The following CBL variants were observed in gnomAD, a reference collection of about 807,000 sequenced individuals.
CBL encodes Cbl proto-oncogene.
CBL carries 45 observed loss-of-function variants against 96.9 expected under a neutral mutation model. The observed-to-expected ratio is 0.46, with a 90% confidence interval of 0.37 to 0.60. CBL has a LOEUF of 0.60. Among genes scored for constraint, CBL ranks in the 20% least tolerant of loss-of-function variants. CBL has a pLI of 0.00. For synonymous variants in CBL, 420 were observed against 426.8 expected (o/e 0.98, Z 0.20); for missense variants, 1,024 against 1,143.5 (o/e 0.90, Z 1.51).
chr11:119,283,117 G>C (rs1472095493), intron 9 of CBL, among the ~76,000 whole-genome samples: 2 of 152,194 alleles, frequency 1.3e-5, no homozygotes, highest in African/African-American at 4.8e-5. Context: ...AAGGTCTGGG[G>C]TTGGTAAGTA....
At chr11:119,292,584 C>T (rs1016415753) in intron 12 of CBL, among the ~76,000 whole-genome samples, 2 of 152,010 alleles carry the variant, frequency 1.3e-5, no homozygotes, top group African/African-American at 4.8e-5. Context: ...CCAAGCCCAG[C>T]TAATTTTTTG....
intron 9 of CBL, among the ~76,000 whole-genome samples, chr11:119,282,721 A>G (rs1367100924): frequency 2.0e-5 from 3 of 152,164 alleles, no homozygotes; most frequent in African/African-American, 7.2e-5. Context: ...AAGAATGGCT[A>G]AGCTGATAGT....
chr11:119,230,150 T>C lies in CBL; in HGVS notation c.196-2298T>C, dbSNP rs1229156070. ...TCGGTGACACAAGAAAATAGGTTTT[T>C]GTTTTTTGTTTTTTTTTTTGAGACG... On this transcript the variant is annotated intron_variant, in intron 1 of 15. Transcript: ENST00000264033. Among the ~76,000 whole-genome samples the C allele has an allele frequency of 4.0e-5, 6 of 151,832 alleles. 1 individual carries two copies. The highest frequency in any genetic ancestry group is 3.3e-4 in the Admixed American group (5 of 15,230).
chr11:119,268,280 TA>T (rs1949818773), intron 2 of CBL, among the ~76,000 whole-genome samples: 1 of 152,212 alleles, frequency 6.6e-6, no homozygotes, highest in African/African-American at 2.4e-5. Context: ...ATTTTAATTT[TA>T]ATTATCACCA....
intron 2 of CBL, among the ~76,000 whole-genome samples, chr11:119,254,562 A>T (rs1340421050): frequency 6.6e-6 from 1 of 152,056 alleles, no homozygotes; most frequent in Non-Finnish European, 1.5e-5. Context: ...ACATGTAAAC[A>T]TAGAAAAGGT....
chr11:119,273,833 T>C, intron 3 of CBL, 35 bp from the exon 4 acceptor site: 1 of 1,595,152 alleles, frequency 6.3e-7, no homozygotes, highest in Non-Finnish European at 8.6e-7. Flanking sequence ...ATCTCTGTTA[T>C]TTCACTTTAT....
At chr11:119,251,323 A>G (rs959632784) in intron 2 of CBL, among the ~76,000 whole-genome samples, 11 of 152,322 alleles carry the variant, frequency 7.2e-5, no homozygotes, top group South Asian at 4.1e-4. Context: ...TTAGATTAAC[A>G]TACGTTTACC....
intron 1 of CBL, among the ~76,000 whole-genome samples, chr11:119,214,308 A>G (rs1014386954): frequency 1.3e-5 from 2 of 151,530 alleles, no homozygotes; most frequent in African/African-American, 4.9e-5. Flanking sequence ...TCTCGGCTCA[A>G]TGCAATGAGT....
chr11:119,241,750 T>G (rs562518008), intron 2 of CBL, among the ~76,000 whole-genome samples: 1 of 152,300 alleles, frequency 6.6e-6, no homozygotes, highest in African/African-American at 2.4e-5. Context: ...GTTAAAAATG[T>G]CCTTGCATTT....
chr11:119,282,977 C>T (rs1441701704), intron 9 of CBL, among the ~76,000 whole-genome samples: 1 of 151,766 alleles, frequency 6.6e-6, no homozygotes, highest in Non-Finnish European at 1.5e-5. Context: ...CACAGCTTGT[C>T]CCAGCTACTT....
At chr11:119,222,175 AT>A (rs1384802057) in intron 1 of CBL, among the ~76,000 whole-genome samples, 4 of 151,460 alleles carry the variant, frequency 2.6e-5, no homozygotes, top group Non-Finnish European at 4.4e-5. Flanking sequence ...AGAGATAAAA[AT>A]ATTTATTTTA....
At chr11:119,295,660 A>G (rs564025611) in intron 12 of CBL, among the ~76,000 whole-genome samples, 22 of 152,236 alleles carry the variant, frequency 1.4e-4, no homozygotes, top group South Asian at 6.2e-4. Context: ...CCGGGAGATC[A>G]AGGCTGCAGT....
chr11:119,224,726 G>A (rs73003007), intron 1 of CBL, among the ~76,000 whole-genome samples: 2,656 of 152,032 alleles, frequency 0.017, 43 homozygotes, highest in Non-Finnish European at 0.03. Context: ...GAGTAGCTGG[G>A]ATTACAGAAG....
At chr11:119,264,503 A>G (rs1016742041) in intron 2 of CBL, among the ~76,000 whole-genome samples, 1 of 135,632 alleles carries the variant, frequency 7.4e-6, no homozygotes, top group African/African-American at 2.8e-5. Context: ...TTTTTTTGAG[A>G]CAGGGTCTGT....
At chr11:119,279,029 G>A (rs1278223090) in intron 9 of CBL, among the ~76,000 whole-genome samples, 2 of 151,746 alleles carry the variant, frequency 1.3e-5, no homozygotes. Context: ...CTATGACCAG[G>A]CATTCCAGCT....
chr11:119,210,729 C>T (rs904897259), intron 1 of CBL, among the ~76,000 whole-genome samples: 1 of 148,078 alleles, frequency 6.8e-6, no homozygotes, highest in Non-Finnish European at 1.5e-5. Flanking sequence ...GGTGGGATAA[C>T]AGGCATGAGC....
rs863224399 is a variant in CBL, at chr11:119,232,495, A to T, written c.243A>T (p.Pro81=). ...CAAAGCTGGCGCTAAAGAATAGCCC[A>T]CCTTATATCTTAGACCTGCTACCAG... ...QNPKLALKNS[P]PYILDLLPDT... Residue 81 remains proline (P), a synonymous_variant, in exon 2 of 16, where the codon CCA becomes CCT. Transcript: ENST00000264033. The T allele has an allele frequency of 6.2e-7, 1 of 1,614,036 alleles. No homozygotes were observed. The highest frequency in any genetic ancestry group is 8.5e-7 in the Non-Finnish European group (1 of 1,179,936).
intron 2 of CBL, among the ~76,000 whole-genome samples, chr11:119,238,919 T>G (rs1157319130): frequency 6.6e-6 from 1 of 152,170 alleles, no homozygotes; most frequent in African/African-American, 2.4e-5. Flanking sequence ...ACAATACTGT[T>G]TTCCGCTACA....
At chr11:119,249,178 T>C (rs566181888) in intron 2 of CBL, among the ~76,000 whole-genome samples, 3 of 152,272 alleles carry the variant, frequency 2.0e-5, no homozygotes, top group South Asian at 4.1e-4. Flanking sequence ...AGCCAAAAAG[T>C]AGAAGCAGTT....
Sources: gnomAD v4.1 joint callset for allele counts (sites outside exome capture counted in the v4.1 genomes callset) on GRCh38, gnomAD v4.1.1 for gene constraint, MANE v1.5 for transcripts, NCBI Gene and HGNC (gene_info 2026-07-23, HGNC 2026-07-21) for gene names.